Variants in MAP3K20 observed in about 807,000 individuals in gnomAD.
MAP3K20 encodes the protein HCCS-4.
A neutral mutation model predicts 85.7 loss-of-function variants in MAP3K20; 40 were observed. The observed-to-expected ratio is 0.47, with a 90% CI of 0.36 to 0.61. MAP3K20 has a LOEUF of 0.61. MAP3K20 is among the 20% of genes least tolerant of loss of function. The pLI, the probability that MAP3K20 is intolerant of heterozygous loss-of-function variation, is 0.00. For missense variants in MAP3K20, 817 were observed against 961.7 expected (o/e 0.85, Z 1.99); for synonymous variants, 325 against 327.7 (o/e 0.99, Z 0.09).
chr2:173,206,620 AC>A (rs77499294), intron 9 of MAP3K20, among the ~76,000 whole-genome samples: 10,978 of 151,916 alleles, frequency 0.072, 1,111 homozygotes, highest in East Asian at 0.57. Context: ...TATTTATCCC[AC>A]CCCAGGCTTA....
intron 2 of MAP3K20, among the ~76,000 whole-genome samples, chr2:173,126,061 T>G (rs1323295967): frequency 6.6e-6 from 1 of 152,196 alleles, no homozygotes; most frequent in African/African-American, 2.4e-5. Flanking sequence ...CTAGAATGAT[T>G]AAAAACAAAT....
chr2:173,158,493 G>T (rs938477372), intron 2 of MAP3K20, among the ~76,000 whole-genome samples: 1 of 152,170 alleles, frequency 6.6e-6, no homozygotes, highest in African/African-American at 2.4e-5. Flanking sequence ...ATTTTTGAGA[G>T]TCAAGTAAGA....
intron 2 of MAP3K20, among the ~76,000 whole-genome samples, chr2:173,138,161 G>T (rs892478900): frequency 1.3e-5 from 2 of 152,026 alleles, no homozygotes; most frequent in African/African-American, 4.8e-5. Context: ...AGTAGAGACG[G>T]GGTTTCATTA....
At chr2:173,118,395 TA>T (rs1261572192) in intron 2 of MAP3K20, among the ~76,000 whole-genome samples, 2 of 152,224 alleles carry the variant, frequency 1.3e-5, no homozygotes. Flanking sequence ...GTCTTTGTTA[TA>T]AGTTTGTGGT....
intron 2 of MAP3K20, among the ~76,000 whole-genome samples, chr2:173,139,174 G>T (rs1255071605): frequency 1.3e-5 from 2 of 152,216 alleles, no homozygotes; most frequent in Non-Finnish European, 1.5e-5. Flanking sequence ...GCACACTGGA[G>T]AAGTACAGTG....
At chr2:173,255,138 C>T (rs961539993) in intron 16 of MAP3K20, among the ~76,000 whole-genome samples, 1 of 152,194 alleles carries the variant, frequency 6.6e-6, no homozygotes, top group African/African-American at 2.4e-5. Flanking sequence ...AGGTCTCTAA[C>T]CCTATTATTT....
At chr2:173,247,509 TGAAGG>T (rs918735525) in intron 16 of MAP3K20, among the ~76,000 whole-genome samples, 5 of 148,812 alleles carry the variant, frequency 3.4e-5, no homozygotes, top group African/African-American at 9.7e-5. Flanking sequence ...AAAAATTAAG[TGAAGG>T]GAAGTTTATT....
intron 2 of MAP3K20, among the ~76,000 whole-genome samples, chr2:173,156,493 A>T (rs1379967308): frequency 1.3e-5 from 2 of 152,160 alleles, no homozygotes; most frequent in Non-Finnish European, 2.9e-5. Context: ...TTTGTGGAAG[A>T]CAGTTTTTCC....
intron 2 of MAP3K20, among the ~76,000 whole-genome samples, chr2:173,154,955 A>C (rs1689420921): frequency 6.6e-6 from 1 of 152,184 alleles, no homozygotes. Context: ...TTATTTCAAG[A>C]AGTTTTGGTG....
chr2:173,141,849 A>C (rs1335818103), intron 2 of MAP3K20, among the ~76,000 whole-genome samples: 1 of 152,208 alleles, frequency 6.6e-6, no homozygotes, highest in Non-Finnish European at 1.5e-5. Context: ...AAGACACATT[A>C]CATAAAGGAA....
chr2:173,258,160 C>T (rs950830424), intron 16 of MAP3K20, among the ~76,000 whole-genome samples: 18 of 152,104 alleles, frequency 1.2e-4, no homozygotes, highest in African/African-American at 3.9e-4. Flanking sequence ...CCTAGTTGTC[C>T]GTTATCATAC....
In MAP3K20 at chr2:173,137,563, G is replaced by A. The variant is rs372984648; in HGVS notation, c.160-32242G>A. ...GTATGTAATTACATATGAGTAAGAA[G>A]TGTGCATGTTTTATTTTGTCTCTTT... On this transcript the variant is annotated intron_variant, in intron 2 of 19. Coordinates refer to ENST00000375213, the MANE Select transcript of MAP3K20 (RefSeq NM_016653.3). Among the ~76,000 whole-genome samples, 14 of 152,126 alleles carry A rather than the reference G, an allele frequency of 9.2e-5. No individual in the cohort carries two copies. In the East Asian group the frequency reaches 2.7e-3, roughly 29 times the overall value.
At chr2:173,191,817 A>G (rs1230474638) in intron 7 of MAP3K20, among the ~76,000 whole-genome samples, 3 of 152,192 alleles carry the variant, frequency 2.0e-5, no homozygotes, top group Non-Finnish European at 4.4e-5. Flanking sequence ...TGGAGTGCTC[A>G]AGGAAGAGAC....
At chr2:173,146,561 G>A (rs1020028040) in intron 2 of MAP3K20, among the ~76,000 whole-genome samples, 1 of 152,186 alleles carries the variant, frequency 6.6e-6, no homozygotes, top group African/African-American at 2.4e-5. Flanking sequence ...TCATTTCCCA[G>A]TTCTCCTCAA....
At chr2:173,209,985 C>T in intron 10 of MAP3K20, 150 bp downstream of exon 10, 1 of 688,516 alleles carries the variant, frequency 1.5e-6, no homozygotes, top group Non-Finnish European at 2.5e-6. Context: ...GATTTTGGAA[C>T]TCTTATAAGT....
At chr2:173,149,665 C>A (rs1054399553) in intron 2 of MAP3K20, among the ~76,000 whole-genome samples, 1 of 152,052 alleles carries the variant, frequency 6.6e-6, no homozygotes, top group Non-Finnish European at 1.5e-5. Flanking sequence ...TGCATTCTTA[C>A]CTGAGTGCTG....
At chr2:173,179,546 G>T (rs927335676) in intron 3 of MAP3K20, among the ~76,000 whole-genome samples, 1 of 152,060 alleles carries the variant, frequency 6.6e-6, no homozygotes, top group Non-Finnish European at 1.5e-5. Context: ...CTGGGAACAA[G>T]GCAAAGAAGT....
At chr2:173,238,930 T>C (rs1684717075) in intron 15 of MAP3K20, among the ~76,000 whole-genome samples, 1 of 152,224 alleles carries the variant, frequency 6.6e-6, no homozygotes, top group Non-Finnish European at 1.5e-5. Context: ...ACTTTACTTA[T>C]TCACTAACAG....
At chr2:173,135,046 T>C (rs184492265) in intron 2 of MAP3K20, among the ~76,000 whole-genome samples, 34 of 152,316 alleles carry the variant, frequency 2.2e-4, no homozygotes, top group African/African-American at 7.7e-4. Context: ...ATAGTAAGTG[T>C]TCGATACATT....
Sources: allele counts gnomAD v4.1 joint callset (sites outside exome capture counted in the v4.1 genomes callset), GRCh38; gene constraint gnomAD v4.1.1; transcripts MANE v1.5; gene names NCBI Gene and HGNC (gene_info 2026-07-23, HGNC 2026-07-21).